The following ZW10 variants were observed in gnomAD, a reference collection of about 807,000 sequenced individuals.
ZW10 encodes the protein zw10 kinetochore protein.
Under a neutral mutation model 87.8 loss-of-function variants are expected in ZW10, and 53 were observed. The ratio of observed to expected loss-of-function variants is 0.60; its 90% CI spans 0.48 to 0.76. The LOEUF is 0.76. Ranked by LOEUF, ZW10 falls within the 30% of genes least tolerant of loss-of-function variation. The pLI is 0.00. For synonymous variants in ZW10, 312 were observed against 329.2 expected (o/e 0.95, Z 0.57); for missense variants, 837 against 923.0 (o/e 0.91, Z 1.21).
At chr11:113,757,568 C>A in intron 7 of ZW10, 94 bp downstream of exon 7, 8 of 988,050 alleles carry the variant, frequency 8.1e-6, no homozygotes, top group Non-Finnish European at 1.1e-5. Context: ...TCCTTTCTCA[C>A]ACATTATAGG....
intron 13 of ZW10, among the ~76,000 whole-genome samples, 156 bp from the exon 14 acceptor site, chr11:113,737,859 T>C (rs1467252827): frequency 2.0e-5 from 3 of 152,214 alleles, no homozygotes; most frequent in Admixed American, 6.5e-5. Context: ...CATTTAACCA[T>C]AGTGATATCC....
In ZW10 at chr11:113,743,604, T is replaced by G. The variant is rs111299015; in HGVS notation, c.1511+198A>C. Among the ~76,000 whole-genome samples, 1,050 of 152,354 alleles carry G rather than the reference T, an allele frequency of 6.9e-3. 7 individuals are homozygous for G. The highest frequency in any genetic ancestry group is 0.024 in the African/African-American group (992 of 41,566). On this transcript the variant is annotated intron_variant, in intron 10 of 15. Coordinates refer to ENST00000200135, the MANE Select transcript of ZW10 (RefSeq NM_004724.4). Reference sequence around the variant, plus strand: ...CACCTTGCTCAAACATCTATGCTATTGCAAATAAAAGTCAGAGATAGACAT... The same window carrying G: ...CACCTTGCTCAAACATCTATGCTATGGCAAATAAAAGTCAGAGATAGACAT...
Position 113,741,705 on chromosome 11 carries a change from T to C in ZW10, c.1572A>G (p.Pro524=). 1.2e-6 allele frequency: 2 copies of C among 1,602,642 alleles called. No homozygotes were observed. Among genetic ancestry groups the C allele is most frequent in the Non-Finnish European group, 1.7e-6 (2 of 1,174,340 alleles). ...ACAGTGGTACTTACTTGTGATATGT[T>C]GGTACAACATCATGGAACAAATGGA... ...NIFHLFHDVV[P]TYHKENLQKL... is the part of the protein sequence containing the mutation. Residue 524 remains proline (P), a synonymous_variant, in exon 11 of 16, where the codon CCA becomes CCG. Transcript: ENST00000200135.
intron 5 of ZW10, among the ~76,000 whole-genome samples, chr11:113,760,003 G>C (rs954769327): frequency 6.6e-5 from 10 of 152,206 alleles, no homozygotes; most frequent in Non-Finnish European, 1.2e-4. Context: ...ACAGCTAAGA[G>C]GGATGTAAGG....
intron 7 of ZW10, among the ~76,000 whole-genome samples, chr11:113,750,036 T>C (rs1218017009): frequency 3.3e-5 from 5 of 152,218 alleles, no homozygotes; most frequent in Admixed American, 2.0e-4. Context: ...TAAATTGTAA[T>C]AGGTAGTTGA....
chr11:113,757,525 G>T, intron 7 of ZW10, 137 bp downstream of exon 7: 1 of 643,288 alleles, frequency 1.6e-6, no homozygotes, highest in Non-Finnish European at 2.3e-6. Flanking sequence ...CAACTCTTTT[G>T]CCCCTATGGC....
chr11:113,748,377 A>G lies in ZW10; in HGVS notation c.969T>C (p.Thr323=). 1 of 1,609,822 alleles carries G rather than the reference A, an allele frequency of 6.2e-7. No individual in the cohort carries two copies. Among genetic ancestry groups the G allele is most frequent in the Non-Finnish European group, 8.5e-7 (1 of 1,178,784 alleles). The part of the protein sequence containing the change: ...DTDLENEKTS[T]VPLAEMLGDM... ...CTCCAAGCATCTCAGCCAATGGGAC[A>G]GTAGATGTTTTTTCATTTTCCAGGT... Residue 323 remains threonine (T), a synonymous_variant, in exon 8 of 16, where the codon ACT becomes ACC. Coordinates refer to ENST00000200135, the MANE Select transcript of ZW10 (RefSeq NM_004724.4).
At chr11:113,737,385 T>C (rs1269686197) in intron 14 of ZW10, among the ~76,000 whole-genome samples, 187 bp downstream of exon 14, 1 of 151,498 alleles carries the variant, frequency 6.6e-6, no homozygotes, top group East Asian at 1.9e-4. Flanking sequence ...AGTTCAATCC[T>C]ACTTTCATAT....
At chr11:113,773,226 C>G (rs560436263) in intron 1 of ZW10, among the ~76,000 whole-genome samples, 2 of 152,044 alleles carry the variant, frequency 1.3e-5, no homozygotes, top group African/African-American at 2.4e-5. Flanking sequence ...CTCTGCTGGT[C>G]TCTTCAGTCT....
chr11:113,771,070 G>C (rs1257773366), intron 1 of ZW10, among the ~76,000 whole-genome samples: 1 of 151,238 alleles, frequency 6.6e-6, no homozygotes, highest in Non-Finnish European at 1.5e-5. Flanking sequence ...CCACTTCCCG[G>C]GTTCAAGCGA....
At position 113,747,628 on chromosome 11, in the gene ZW10, G is replaced by A; in HGVS notation, c.1175C>T (p.Ala392Val). Residue 392 changes from alanine (A) to valine (V), a missense_variant, in exon 9 of 16, where the codon GCT (alanine) becomes GTT (valine). By Grantham distance (64) the Ala-to-Val change is moderately conservative (BLOSUM62 0). Coordinates refer to ENST00000200135, the MANE Select transcript of ZW10 (RefSeq NM_004724.4). ...TGCAAAATGAGAATTGATGTTACGA[G>A]CGTATTTCAGCAAATCTGTAGTATC... ...KGDTTDLLKY[A>V]RNINSHFANK... is the part of the protein sequence containing the mutation. 1 of 1,613,712 alleles carries A rather than the reference G, an allele frequency of 6.2e-7. No individual in the cohort carries two copies.
intron 2 of ZW10, among the ~76,000 whole-genome samples, chr11:113,761,789 T>A (rs1953863095): frequency 6.6e-6 from 1 of 152,112 alleles, no homozygotes; most frequent in Non-Finnish European, 1.5e-5. Context: ...ATTTCTCCCA[T>A]CTTTCAGAAA....
rs1404868353 is a variant in ZW10, at chr11:113,733,729, C to G, written c.2305G>C (p.Glu769Gln). 1 of 1,614,016 alleles carries G rather than the reference C, an allele frequency of 6.2e-7. No individual in the cohort carries two copies. Among genetic ancestry groups the G allele is most frequent in the Non-Finnish European group, 8.5e-7 (1 of 1,180,028 alleles). Reference sequence around the variant, plus strand: ...TTAGCAAGGGCAGCTGCTCTTCTTTCTGTGTTCTGAAACAAGGCACGAATT... The same window carrying G: ...TTAGCAAGGGCAGCTGCTCTTCTTTGTGTGTTCTGAAACAAGGCACGAATT... ...ALIRALFQNT[E>Q]RRAAALAKIK The change falls in exon 16 of 16, where the codon GAA becomes CAA. Residue 769 changes from glutamate to glutamine, a missense_variant. Coordinates refer to ENST00000200135, the MANE Select transcript of ZW10 (RefSeq NM_004724.4).
At chr11:113,750,449 G>A (rs112393775) in intron 7 of ZW10, among the ~76,000 whole-genome samples, 12,877 of 151,806 alleles carry the variant, frequency 0.085, 589 homozygotes, top group Middle Eastern at 0.17. Context: ...GATTACAGGC[G>A]CCCGCCACCA....
intron 15 of ZW10, 54 bp from the exon 16 acceptor site, chr11:113,733,868 A>T (rs1953520028): frequency 6.6e-7 from 1 of 1,520,926 alleles, no homozygotes; most frequent in African/African-American, 1.4e-5. Flanking sequence ...AAGTATAAGC[A>T]AGACTTAAAA....
At chr11:113,746,403 T>C (rs1172433957) in intron 9 of ZW10, among the ~76,000 whole-genome samples, 1 of 149,360 alleles carries the variant, frequency 6.7e-6, no homozygotes, top group Non-Finnish European at 1.5e-5. Flanking sequence ...CCAAAGGTAA[T>C]CAGTAAGCAC....
rs1356946796 is a variant in ZW10, at chr11:113,748,864, T to C, written c.926-444A>G. 2.6e-5 allele frequency among the ~76,000 whole-genome samples: 4 copies of C among 152,242 alleles called. No individual in the cohort carries two copies. In the East Asian group the frequency reaches 5.8e-4, roughly 22 times the overall value. ...AACATAACTAGTTTATAAAACAGAA[T>C]ACTTCAATACCTCCTCTACAGTATA... is the stretch of plus-strand genomic sequence containing the variant. On this transcript the variant is annotated intron_variant, in intron 7 of 15. Transcript: ENST00000200135.
At position 113,749,684 on chromosome 11, in the gene ZW10, CCT is replaced by C. The variant is rs1433213416; in HGVS notation, c.926-1266_926-1265del. On this transcript the variant is annotated intron_variant, in intron 7 of 15. Transcript: ENST00000200135. ...TAGAAAATTCAGTGGAGGCACGAGA[CCT>C]CTCTGTAATTTTTGAATGGAAAAAA... 8.5e-5 allele frequency among the ~76,000 whole-genome samples: 13 copies of C among 152,230 alleles called. No individual in the cohort carries two copies. In the East Asian group the frequency reaches 2.5e-3, roughly 29 times the overall value.
intron 2 of ZW10, among the ~76,000 whole-genome samples, 167 bp downstream of exon 2, chr11:113,768,666 T>C (rs769334941): frequency 1.1e-4 from 16 of 152,192 alleles, no homozygotes; most frequent in Non-Finnish European, 1.6e-4. Flanking sequence ...CTTTTGGAAA[T>C]ACTTCTATTT....
Sources: gnomAD v4.1 joint callset for allele counts (sites outside exome capture counted in the v4.1 genomes callset) on GRCh38, gnomAD v4.1.1 for gene constraint, MANE v1.5 for transcripts, NCBI Gene and HGNC (gene_info 2026-07-23, HGNC 2026-07-21) for gene names.